Variants in TARBP1 observed in about 807,000 individuals in gnomAD.
TARBP1 encodes the protein tRNA (guanosine(18)-2'-O)-methyltransferase TARBP1.
In TARBP1, 144 loss-of-function variants were observed where a neutral mutation model predicts 178.6. The ratio of observed to expected loss-of-function variants is 0.81; its 90% CI spans 0.70 to 0.93. The LOEUF is 0.93. Among genes scored for constraint, TARBP1 ranks in the 40% least tolerant of loss-of-function variants. The probability of loss-of-function intolerance (pLI) is 0.00; values close to 1 mark genes in which losing one functional copy is unlikely to be tolerated. For synonymous variants in TARBP1, 787 were observed against 781.0 expected (o/e 1.01, Z -0.13); for missense variants, 2,067 against 2,011.7 (o/e 1.03, Z -0.53).
Position 234,429,344 on chromosome 1 carries a change from T to C in TARBP1, c.2872-20A>G, listed in dbSNP as rs940596185. On this transcript the variant is annotated intron_variant, in intron 16 of 29. Coordinates refer to ENST00000040877, the MANE Select transcript of TARBP1 (RefSeq NM_005646.4). ...CAGAAGCTGGTAGGAAAAAAAAAAATACATACTTATTTCAAAAACTTGATC... is the reference window on the plus strand; with the variant it reads ...CAGAAGCTGGTAGGAAAAAAAAAAACACATACTTATTTCAAAAACTTGATC... 26 of 1,514,272 alleles carry C rather than the reference T, an allele frequency of 1.7e-5. 1 individual carries two copies. The highest frequency in any genetic ancestry group is 2.3e-5 in the East Asian group (1 of 43,188). 93.8% of individuals were successfully genotyped at this position (1,514,272 alleles called of 1,614,324 possible). A position where few individuals can be genotyped will look rare whatever the true frequency, so the allele number is the denominator to read the frequency against.
chr1:234,471,064 GATT>G (rs1311935301), intron 3 of TARBP1, 121 bp downstream of exon 3: 11 of 706,170 alleles, frequency 1.6e-5, no homozygotes, highest in Middle Eastern at 4.0e-4. Context: ...ATTACAAGAT[GATT>G]ATATTTTCTT....
At chr1:234,397,203 G>T in intron 26 of TARBP1, among the ~76,000 whole-genome samples, 1 of 28,298 alleles carries the variant, frequency 3.5e-5, no homozygotes, top group Non-Finnish European at 7.6e-5. Flanking sequence ...TGACTGTGAA[G>T]GGGAAGAGGA....
At chr1:234,429,727 A>C in intron 15 of TARBP1, 50 bp from the exon 16 acceptor site, 1 of 1,357,226 alleles carries the variant, frequency 7.4e-7, no homozygotes. Context: ...ATTTGCCTCC[A>C]CGTCTTTTGC....
At chr1:234,396,243 A>G (rs1659923752) in intron 26 of TARBP1, among the ~76,000 whole-genome samples, 1 of 152,192 alleles carries the variant, frequency 6.6e-6, no homozygotes, top group Admixed American at 6.5e-5. Context: ...AGAACTCGAC[A>G]GCTGCCTACA....
intron 14 of TARBP1, among the ~76,000 whole-genome samples, chr1:234,430,726 A>T (rs989303926): frequency 7.9e-5 from 12 of 152,306 alleles, no homozygotes; most frequent in South Asian, 6.2e-4. Context: ...TTAAAAAAAA[A>T]AATAAAAGGC....
chr1:234,412,894 G>A (rs1394356328), intron 22 of TARBP1, among the ~76,000 whole-genome samples: 2 of 152,154 alleles, frequency 1.3e-5, no homozygotes, highest in African/African-American at 4.8e-5. Context: ...CACCCCAGCA[G>A]GGATGGTCAT....
chr1:234,414,388 T>C (rs1411512985), intron 22 of TARBP1, among the ~76,000 whole-genome samples: 1 of 151,710 alleles, frequency 6.6e-6, no homozygotes, highest in Non-Finnish European at 1.5e-5. Flanking sequence ...ACTATAAAAA[T>C]AAGAAATTAA....
At chr1:234,399,243 CAAGT>C (rs1305649477) in intron 25 of TARBP1, among the ~76,000 whole-genome samples, 3 of 152,204 alleles carry the variant, frequency 2.0e-5, no homozygotes, top group Non-Finnish European at 4.4e-5. Flanking sequence ...AGCAGAGGTC[CAAGT>C]AACAGGCAAC....
Position 234,448,348 on chromosome 1 carries a change from T to C in TARBP1, c.1961+132A>G, listed in dbSNP as rs1161128604. ...AACTTTAAACATTTCTTCAGTATAC[T>C]GTTAATGTTCTAGTACCTTCCTTGA... On this transcript the variant is annotated intron_variant, in intron 11 of 29. Coordinates refer to ENST00000040877, the MANE Select transcript of TARBP1 (RefSeq NM_005646.4). The C allele has an allele frequency of 1.6e-5, 11 of 681,668 alleles. No individual in the cohort carries two copies. The East Asian group carries it at 1.9e-4, about 12-fold the overall frequency. The allele number at this position is 681,668 out of a possible 1,614,324, so 42.2% of individuals were successfully genotyped here. A position where few individuals can be genotyped will look rare whatever the true frequency, so the allele number is the denominator to read the frequency against.
intron 10 of TARBP1, 113 bp from the exon 11 acceptor site, chr1:234,448,692 A>T (rs1002694341): frequency 6.4e-6 from 5 of 780,446 alleles, no homozygotes; most frequent in African/African-American, 3.5e-5. Flanking sequence ...TATGAGAGAA[A>T]TACAACCGAG....
chr1:234,402,237 G>A (rs1168834243), intron 24 of TARBP1, among the ~76,000 whole-genome samples: 1 of 152,222 alleles, frequency 6.6e-6, no homozygotes, highest in African/African-American at 2.4e-5. Flanking sequence ...GAAGGAAGGA[G>A]ACTGTCTCGT....
At chr1:234,410,262 G>GT in intron 23 of TARBP1, 183 bp downstream of exon 23, 1 of 466,606 alleles carries the variant, frequency 2.1e-6, no homozygotes, top group Non-Finnish European at 3.9e-6. Context: ...GTGTATGCAT[G>GT]TAAATGGGTA....
rs747403046 is a variant in TARBP1, at chr1:234,401,144, T to C, written c.4071+37A>G. 7 of 1,538,548 alleles carry C rather than the reference T, an allele frequency of 4.5e-6. No individual in the cohort carries two copies. The African/African-American group carries it at 6.8e-5, about 15-fold the overall frequency. On this transcript the variant is annotated intron_variant, in intron 25 of 29. Coordinates refer to ENST00000040877, the MANE Select transcript of TARBP1 (RefSeq NM_005646.4). ...AGAAAGGAAGCATCAGGATTAAAGATACAATAGAGAATTTACAAATGATAT... is the reference window on the plus strand; with the variant it reads ...AGAAAGGAAGCATCAGGATTAAAGACACAATAGAGAATTTACAAATGATAT...
intron 12 of TARBP1, among the ~76,000 whole-genome samples, chr1:234,440,553 G>C (rs562870765): frequency 6.6e-6 from 1 of 151,926 alleles, no homozygotes; most frequent in African/African-American, 2.4e-5. Flanking sequence ...CTACAGACCC[G>C]ACAGGCATTA....
chr1:234,426,883 T>A (rs1414419162), intron 19 of TARBP1, among the ~76,000 whole-genome samples: 1 of 152,172 alleles, frequency 6.6e-6, no homozygotes, highest in Non-Finnish European at 1.5e-5. Flanking sequence ...AACCAAAAAC[T>A]TCAGAGTCTG....
intron 7 of TARBP1, 120 bp downstream of exon 7, chr1:234,460,141 C>T: frequency 8.8e-7 from 1 of 1,142,520 alleles, no homozygotes; most frequent in Non-Finnish European, 1.2e-6. Flanking sequence ...AGAGCCCAAA[C>T]ATCCCAATCC....
At chr1:234,456,960 G>A (rs561589501) in intron 9 of TARBP1, among the ~76,000 whole-genome samples, 1 of 152,198 alleles carries the variant, frequency 6.6e-6, no homozygotes, top group East Asian at 1.9e-4. Context: ...AACCCAGAGG[G>A]GACAAAGATC....
chr1:234,451,163 T>G (rs1359015867), intron 9 of TARBP1, among the ~76,000 whole-genome samples: 1 of 152,206 alleles, frequency 6.6e-6, no homozygotes, highest in Non-Finnish European at 1.5e-5. Flanking sequence ...CTCCATTACA[T>G]CTCTTAGAAG....
At chr1:234,473,381 T>C (rs1419781906) in intron 1 of TARBP1, among the ~76,000 whole-genome samples, 1 of 152,214 alleles carries the variant, frequency 6.6e-6, no homozygotes, top group Non-Finnish European at 1.5e-5. Context: ...TCCTATGTCC[T>C]GAACAGGAAA....
Sources: allele counts gnomAD v4.1 joint callset (sites outside exome capture counted in the v4.1 genomes callset), GRCh38; gene constraint gnomAD v4.1.1; transcripts MANE v1.5; gene names NCBI Gene and HGNC (gene_info 2026-07-23, HGNC 2026-07-21).